Variants in SLC2A9 observed in about 807,000 individuals in gnomAD.
SLC2A9 encodes solute carrier family 2 member 9.
Under a neutral mutation model 50.6 loss-of-function variants are expected in SLC2A9, and 39 were observed. The ratio of observed to expected loss-of-function variants is 0.77; its 90% CI spans 0.60 to 1.01. The LOEUF (loss-of-function observed/expected upper bound fraction) is 1.01. Among genes scored for constraint, SLC2A9 ranks in the 50% least tolerant of loss-of-function variants. SLC2A9 has a pLI of 0.00. For synonymous variants in SLC2A9, 324 were observed against 276.9 expected (o/e 1.17, Z -1.69); for missense variants, 686 against 677.6 (o/e 1.01, Z -0.14).
intron 2 of SLC2A9, among the ~76,000 whole-genome samples, chr4:10,002,306 C>T (rs1365599983): frequency 1.3e-5 from 2 of 152,232 alleles, no homozygotes; most frequent in East Asian, 1.9e-4. Flanking sequence ...TACAGAAACT[C>T]TAGCAAAGCA....
intron 3 of SLC2A9, among the ~76,000 whole-genome samples, chr4:9,815,317 G>T (rs1723427486): frequency 6.6e-6 from 1 of 152,180 alleles, no homozygotes; most frequent in Non-Finnish European, 1.5e-5. Context: ...TAAAGAATTG[G>T]GCTGACTTCA....
At chr4:9,795,095 T>C (rs1720438231), downstream of SLC2A9, among the ~76,000 whole-genome samples, 1 of 136,092 alleles carries the variant, frequency 7.3e-6, no homozygotes, top group Non-Finnish European at 1.5e-5. Flanking sequence ...CACTGCAACC[T>C]CCATCTCCCG....
intron 8 of SLC2A9, among the ~76,000 whole-genome samples, chr4:9,899,008 CTCTCTT>C (rs944911924): frequency 1.3e-5 from 2 of 152,228 alleles, no homozygotes; most frequent in African/African-American, 4.8e-5. Flanking sequence ...CCCTCTCTCT[CTCTCTT>C]TCTCTCTTTC....
chr4:9,907,912 A>G (rs1180359689), intron 8 of SLC2A9, among the ~76,000 whole-genome samples: 1 of 152,208 alleles, frequency 6.6e-6, no homozygotes, highest in Non-Finnish European at 1.5e-5. Context: ...ATGCTCCTCT[A>G]AAGAGATGCC....
intron 3 of SLC2A9, among the ~76,000 whole-genome samples, chr4:9,988,900 A>G (rs1033228639): frequency 6.6e-6 from 1 of 152,232 alleles, no homozygotes; most frequent in Non-Finnish European, 1.5e-5. Flanking sequence ...GCCATGCTTT[A>G]ACTTGGTGCA....
chr4:9,995,437 G>A (rs560418736), intron 3 of SLC2A9, among the ~76,000 whole-genome samples: 10 of 152,234 alleles, frequency 6.6e-5, no homozygotes, highest in East Asian at 3.9e-4. Flanking sequence ...TTGAAACATC[G>A]TCAACTCTAG....
chr4:10,040,179 AAG>A (rs1243157480), exon 1 of SLC2A9: 1 of 152,240 alleles, frequency 6.6e-6, no homozygotes, highest in South Asian at 2.1e-4. Context: ...CTCCTTCAGG[AAG>A]AGTTTTCATG....
upstream of SLC2A9, among the ~76,000 whole-genome samples, chr4:10,024,070 A>G (rs539101798): frequency 6.6e-6 from 1 of 152,256 alleles, no homozygotes; most frequent in East Asian, 1.9e-4. Context: ...GACCTTGCTC[A>G]GGCCCTCACT....
At chr4:9,883,693 AC>A (rs1214865887) in intron 10 of SLC2A9, among the ~76,000 whole-genome samples, 1 of 152,172 alleles carries the variant, frequency 6.6e-6, no homozygotes, top group African/African-American at 2.4e-5. Flanking sequence ...TTAACCAATC[AC>A]TTTAAGGGTG....
intron 6 of SLC2A9, among the ~76,000 whole-genome samples, chr4:9,930,266 G>A (rs973318331): frequency 6.6e-6 from 1 of 152,296 alleles, no homozygotes; most frequent in African/African-American, 2.4e-5. Flanking sequence ...AGAGCAAGAC[G>A]GATATCTGTG....
intron 6 of SLC2A9, among the ~76,000 whole-genome samples, chr4:9,936,446 A>G (rs1275713645): frequency 6.6e-6 from 1 of 152,224 alleles, no homozygotes; most frequent in African/African-American, 2.4e-5. Flanking sequence ...TGTGACACAC[A>G]GTAGGCCTTC....
intron 8 of SLC2A9, among the ~76,000 whole-genome samples, chr4:9,898,266 G>A (rs1462903114): frequency 6.6e-6 from 1 of 152,078 alleles, no homozygotes; most frequent in African/African-American, 2.4e-5. Context: ...AAAAAAAGAA[G>A]GAAGGTAGTC....
chr4:9,974,748 A>T (rs906283275), intron 5 of SLC2A9, among the ~76,000 whole-genome samples: 1 of 152,194 alleles, frequency 6.6e-6, no homozygotes, highest in Non-Finnish European at 1.5e-5. Context: ...AACTAGAAAA[A>T]AAAATTCTAA....
intron 3 of SLC2A9, among the ~76,000 whole-genome samples, chr4:9,802,266 CTCT>C (rs939960248): frequency 6.7e-5 from 8 of 118,856 alleles, no homozygotes; most frequent in Admixed American, 1.6e-4. Context: ...CTGAAAAATG[CTCT>C]TTTTTTTTTT....
intron 2 of SLC2A9, among the ~76,000 whole-genome samples, chr4:10,011,844 T>C (rs1449989430): frequency 6.6e-6 from 1 of 152,226 alleles, no homozygotes; most frequent in East Asian, 1.9e-4. Flanking sequence ...TTAGATGCTA[T>C]GCAGCATAGG....
In SLC2A9 at chr4:9,890,603, G is replaced by A. The variant is rs780348287; in HGVS notation, c.1215+7C>T. On this transcript the variant is annotated splice_region_variant and intron_variant, in intron 9 of 11. Coordinates refer to ENST00000264784, the MANE Select transcript of SLC2A9 (RefSeq NM_020041.3). ...CTCCCTCAAATGTGACAAGAACATC[G>A]TCTCACCTGCAGGGTCAGCGTGATG... 1.4e-5 allele frequency: 22 copies of A among 1,613,260 alleles called. No individual in the cohort carries two copies. The highest frequency in any genetic ancestry group is 5.5e-5 in the South Asian group (5 of 91,050).
chr4:9,824,309 TAA>T (rs5856021), downstream of SLC2A9, among the ~76,000 whole-genome samples: 787 of 147,768 alleles, frequency 5.3e-3, 5 homozygotes, highest in African/African-American at 0.012. Flanking sequence ...TCCAGAACAG[TAA>T]AAAAAAAAAA....
intron 3 of SLC2A9, among the ~76,000 whole-genome samples, chr4:9,986,991 C>A (rs1756835012): frequency 6.6e-6 from 1 of 151,064 alleles, no homozygotes; most frequent in African/African-American, 2.5e-5. Flanking sequence ...ATAGGATAGA[C>A]CCTGCTTTAA....
At chr4:9,796,264 C>T (rs534361600), downstream of SLC2A9, among the ~76,000 whole-genome samples, 17 of 152,292 alleles carry the variant, frequency 1.1e-4, no homozygotes, top group Non-Finnish European at 1.5e-4. Context: ...GGTTACTGAG[C>T]GCATTTGCCT....
Sources: gnomAD v4.1 joint callset for allele counts (sites outside exome capture counted in the v4.1 genomes callset) on GRCh38, gnomAD v4.1.1 for gene constraint, MANE v1.5 for transcripts, NCBI Gene and HGNC (gene_info 2026-07-23, HGNC 2026-07-21) for gene names.